Variants in LAT2 observed in about 807,000 individuals in gnomAD.
The protein encoded by LAT2 is linker for activation of T-cells family member 2.
LAT2 carries 23 observed loss-of-function variants against 43.4 expected under a neutral mutation model. The observed-to-expected ratio is 0.53, with a 90% CI of 0.38 to 0.75. LAT2 has a LOEUF of 0.75. Among genes scored for constraint, LAT2 ranks in the 30% least tolerant of loss-of-function variants. LAT2 has a pLI of 0.00. For synonymous variants in LAT2, 128 were observed against 123.2 expected (o/e 1.04, Z -0.26); for missense variants, 284 against 310.2 (o/e 0.92, Z 0.64).
chr7:74,222,242 A>C (rs1251962123), intron 10 of LAT2, among the ~76,000 whole-genome samples: 3 of 150,544 alleles, frequency 2.0e-5, no homozygotes, highest in African/African-American at 7.3e-5. Flanking sequence ...AAAAAAAAAA[A>C]AAAAAAAAAT....
chr7:74,220,004 A>G lies in LAT2; in HGVS notation c.223A>G (p.Thr75Ala). The change falls in exon 6 of 14, where the codon ACA becomes GCA. Residue 75 changes from threonine (T) to alanine (A), a missense_variant. Coordinates refer to ENST00000460943, the MANE Select transcript of LAT2 (RefSeq NM_032464.3). This position sits in a 1 kb window ranked among gnomAD's most constrained non-coding sequence, Gnocchi z 4.5. ...WPGPLADMAP[T>A]RKDKLLQFYP... ...AGGACCCCTGGCGGACATGGCACCC[A>G]CAAGGTAGGTCACAGTCCCCCAGGA... The G allele has an allele frequency of 6.2e-7, 1 of 1,613,684 alleles. No individual in the cohort carries two copies. The highest frequency in any genetic ancestry group is 8.5e-7 in the Non-Finnish European group (1 of 1,179,946).
chr7:74,216,967 C>T, intron 4 of LAT2, 103 bp downstream of exon 4: 3 of 995,480 alleles, frequency 3.0e-6, no homozygotes, highest in Non-Finnish European at 4.8e-6. Context: ...TTCACTCACA[C>T]CTCCTCCGTG....
intron 1 of LAT2, among the ~76,000 whole-genome samples, chr7:74,212,382 A>G (rs2116074208): frequency 6.6e-6 from 1 of 151,774 alleles, no homozygotes; most frequent in Middle Eastern, 3.4e-3. Context: ...CCTGAGTTCA[A>G]GTGATTCTCA....
intron 13 of LAT2, 130 bp downstream of exon 13, chr7:74,224,890 C>G (rs890143922): frequency 1.5e-6 from 1 of 650,440 alleles, no homozygotes; most frequent in Non-Finnish European, 2.6e-6. Flanking sequence ...AGGGTGCACC[C>G]ATGGGTGCTC....
chr7:74,219,891 G>A (rs920115616), intron 5 of LAT2, 69 bp from the exon 6 acceptor site: 2 of 1,612,214 alleles, frequency 1.2e-6, no homozygotes, highest in Non-Finnish European at 8.5e-7. Flanking sequence ...CTGATGTGGG[G>A]GGATGATGGG....
chr7:74,213,507 C>T (rs1801808301), intron 1 of LAT2, among the ~76,000 whole-genome samples: 1 of 150,932 alleles, frequency 6.6e-6, no homozygotes, highest in South Asian at 2.1e-4. Flanking sequence ...CCACTGCAAC[C>T]TCCACCTCCT....
At chr7:74,224,950 A>T (rs1554715912) in intron 13 of LAT2, 190 bp downstream of exon 13, 2 of 476,064 alleles carry the variant, frequency 4.2e-6, no homozygotes, top group African/African-American at 4.0e-5. Context: ...CAGGGGCGTC[A>T]GGCAGGGAAT....
At chr7:74,221,401 ACT>A (rs1389576165) in intron 9 of LAT2, among the ~76,000 whole-genome samples, 9 of 121,302 alleles carry the variant, frequency 7.4e-5, no homozygotes, top group East Asian at 2.4e-4. Flanking sequence ...GGTGACAGAG[ACT>A]CTGTCTCAAA....
In LAT2 at chr7:74,220,359, G is replaced by C; in HGVS notation, c.265+105G>C. The C allele has an allele frequency of 7.3e-7, 1 of 1,377,426 alleles. No individual in the cohort carries two copies. Among genetic ancestry groups the C allele is most frequent in the South Asian group, 1.3e-5 (1 of 78,168 alleles). The allele number at this position is 1,377,426 out of a possible 1,614,324, so 85.3% of individuals were successfully genotyped here. ...TCGTGCAGTGGGGGCTGCGGGGCCA[G>C]GCGAGGCCTCCCCAGGAGAGACACA... is the stretch of plus-strand genomic sequence containing the variant. On this transcript the variant is annotated intron_variant, in intron 7 of 13. Coordinates refer to ENST00000460943, the MANE Select transcript of LAT2 (RefSeq NM_032464.3). The surrounding 1 kb of genome is among the most constrained non-coding windows in gnomAD (Gnocchi z 4.5).
In LAT2 at chr7:74,227,047, T is replaced by G. The variant is rs141937419; in HGVS notation, c.*19-1897T>G. On this transcript the variant is annotated intron_variant, in intron 13 of 13. Coordinates refer to ENST00000460943, the MANE Select transcript of LAT2 (RefSeq NM_032464.3). ...GAGGGAGGGAGGGAGATAGAAAGGT[T>G]GTTTTTTCTTTTTTTTTTTTTTTCG... 3.0e-3 allele frequency among the ~76,000 whole-genome samples: 434 copies of G among 144,498 alleles called. 5 individuals are homozygous for G. Among genetic ancestry groups the G allele is most frequent in the African/African-American group, 9.4e-3 (359 of 38,384 alleles). The allele number at this position is 144,498 out of a possible 152,430, so 94.8% of individuals were successfully genotyped here. A position where few individuals can be genotyped will look rare whatever the true frequency, so the allele number is the denominator to read the frequency against.
At chr7:74,224,569 A>C in intron 12 of LAT2, 70 bp from the exon 13 acceptor site, 1 of 1,343,180 alleles carries the variant, frequency 7.4e-7, no homozygotes, top group South Asian at 1.3e-5. Flanking sequence ...TGGGGGTCTG[A>C]GTCTGGGGGA....
At chr7:74,214,775 AAATATATATATATATAT>A (rs1801969110) in intron 1 of LAT2, 30 bp from the exon 2 acceptor site, 2 of 16,228 alleles carry the variant, frequency 1.2e-4, no homozygotes, top group African/African-American at 4.2e-4. Flanking sequence ...ATATATATAT[AAATATATATATATATAT>A]TTTTTTTTTT....
Position 74,224,167 on chromosome 7 carries a change from CAT to C in LAT2, c.599_600del (p.His200ProfsTer93). The C allele has an allele frequency of 6.2e-7, 1 of 1,614,068 alleles. No homozygotes were observed. The highest frequency in any genetic ancestry group is 8.5e-7 in the Non-Finnish European group (1 of 1,180,018). ...SEDYQNSASI[H>X]QWRESRKVMG... ...GGATTATCAGAACTCAGCATCCATC[CAT>C]CAGTGGCGCGAGTCCAGGAAGGTCA... On this transcript the variant is annotated frameshift_variant, in exon 12 of 14. Coordinates refer to ENST00000460943, the MANE Select transcript of LAT2 (RefSeq NM_032464.3). LOFTEE classifies it high-confidence loss of function.
At chr7:74,219,332 T>C (rs1554714689) in intron 4 of LAT2, among the ~76,000 whole-genome samples, 8 of 152,166 alleles carry the variant, frequency 5.3e-5, no homozygotes, top group Non-Finnish European at 7.4e-5. Context: ...CCCCAAGTCA[T>C]TGCTGGGTCC....
chr7:74,224,120 C>G lies in LAT2; in HGVS notation c.551C>G (p.Pro184Arg), dbSNP rs370494269. ...TCTGGTCTCTGTCCCTCTGCCTCCCCGGAAGAAGATGAGGAATCTGAGGAT... is the reference window on the plus strand; with the variant it reads ...TCTGGTCTCTGTCCCTCTGCCTCCCGGGAAGAAGATGAGGAATCTGAGGAT... Reference protein sequence around the residue: ...PTSGLCPSASPEEDEESEDYQ... With the variant: ...PTSGLCPSASREEDEESEDYQ... Residue 184 changes from proline (P) to arginine (R), a missense_variant, in exon 12 of 14, where the codon CCG becomes CGG. Transcript: ENST00000460943. The G allele has an allele frequency of 1.2e-5, 19 of 1,614,058 alleles. No individual in the cohort carries two copies. The African/African-American group carries it at 2.3e-4, about 19-fold the overall frequency.
chr7:74,220,344 G>T lies in LAT2; in HGVS notation c.265+90G>T. The stretch of plus-strand genomic sequence containing the variant: ...CCCATGGGACAGGCGTCGTGCAGTG[G>T]GGGCTGCGGGGCCAGGCGAGGCCTC... On this transcript the variant is annotated intron_variant, in intron 7 of 13. Coordinates refer to ENST00000460943, the MANE Select transcript of LAT2 (RefSeq NM_032464.3). The surrounding 1 kb of genome is among the most constrained non-coding windows in gnomAD (Gnocchi z 4.5). The T allele has an allele frequency of 6.9e-7, 1 of 1,439,862 alleles. No homozygotes were observed. The highest frequency in any genetic ancestry group is 1.4e-5 in the African/African-American group (1 of 71,140). The allele number at this position is 1,439,862 out of a possible 1,614,324, so 89.2% of individuals were successfully genotyped here.
chr7:74,221,807 CG>C (rs1181616657), intron 10 of LAT2, 115 bp downstream of exon 10: 35 of 541,796 alleles, frequency 6.5e-5, no homozygotes, highest in Admixed American at 9.5e-5. Flanking sequence ...TCGGCAGAGC[CG>C]GTTGGGTGGA....
At chr7:74,214,065 T>C (rs534921808) in intron 1 of LAT2, among the ~76,000 whole-genome samples, 1 of 129,246 alleles carries the variant, frequency 7.7e-6, no homozygotes, top group African/African-American at 3.1e-5. Context: ...TATGAAAAAA[T>C]ATATATAAAT....
chr7:74,213,529 A>G (rs996096510), intron 1 of LAT2, among the ~76,000 whole-genome samples: 20 of 147,512 alleles, frequency 1.4e-4, no homozygotes, highest in Non-Finnish European at 3.0e-4. Flanking sequence ...GGTTCAAGTG[A>G]TTCTCTTGCC....
Sources: gnomAD v4.1 joint callset for allele counts (sites outside exome capture counted in the v4.1 genomes callset) on GRCh38, gnomAD v4.1.1 for gene constraint, Gnocchi (gnomAD v3.1) non-coding constraint, MANE v1.5 for transcripts, NCBI Gene and HGNC (gene_info 2026-07-23, HGNC 2026-07-21) for gene names.